SYN1: variants seen among roughly 807,000 people sequenced by gnomAD.
The protein encoded by SYN1 is synapsin I, also known as synapsin-1.
In SYN1, 8 loss-of-function variants were observed where a neutral mutation model predicts 44.6. That is an observed-to-expected ratio of 0.18 (90% CI 0.11 to 0.32). The LOEUF (loss-of-function observed/expected upper bound fraction) is 0.32, where lower values mean the gene tolerates loss of function less well. Among genes scored for constraint, SYN1 ranks in the 10% least tolerant of loss-of-function variants. The pLI, the probability that SYN1 is intolerant of heterozygous loss-of-function variation, is 1.00. For missense variants in SYN1, 451 were observed against 639.4 expected (o/e 0.71, Z 3.18); for synonymous variants, 275 against 280.1 (o/e 0.98, Z 0.18).
chrX:47,593,202 G>A (rs1029454491), intron 5 of SYN1, among the ~76,000 whole-genome samples: 1 of 107,711 alleles, frequency 9.3e-6, no homozygotes, highest in African/African-American at 3.4e-5. Flanking sequence ...CCTTAATGTG[G>A]TTTTGAATTT....
rs1344835504 is a variant in SYN1 at position 47,574,430 on chromosome X, G to A, written c.1554C>T (p.Pro518=). 1.9e-6 allele frequency: 2 copies of A among 1,034,428 alleles called. No homozygotes were observed. The highest frequency in any genetic ancestry group is 4.0e-5 in the African/African-American group (2 of 49,628). The allele number at this position is 1,034,428 out of a possible 1,213,427, so 85.2% of individuals were successfully genotyped here. The part of the protein sequence containing the change: ...LPSPTSAPQQ[P]ASQAAPPTQG... ...GGGTCGGCGGCGCGGCCTGGGACGC[G>A]GGCTGCTGGGGCGCTGAGGTGGGAC... Residue 518 remains proline (P), a synonymous_variant, in exon 12 of 13, where the codon CCC becomes CCT. Transcript: ENST00000295987.
At position 47,619,820 on chromosome X, in the gene SYN1, C is replaced by T. The variant is rs958525940; in HGVS notation, c.-92G>A. On this transcript the variant is annotated 5_prime_UTR_variant, in exon 1 of 13. Coordinates refer to ENST00000295987, the MANE Select transcript of SYN1 (RefSeq NM_006950.3). ...GTGCCCAGGAGCACAGCTGCGCTCT[C>T]AGGCACGACACGACTCCTCCGCTGC... The T allele has an allele frequency of 1.0e-6, 1 of 961,113 alleles. No homozygotes were observed. Among genetic ancestry groups the T allele is most frequent in the African/African-American group, 2.0e-5 (1 of 51,083 alleles). 79.2% of individuals were successfully genotyped at this position (961,113 alleles called of 1,213,427 possible). A position where few individuals can be genotyped will look rare whatever the true frequency, so the allele number is the denominator to read the frequency against.
intron 5 of SYN1, among the ~76,000 whole-genome samples, chrX:47,589,040 G>A (rs748580560): frequency 3.6e-5 from 4 of 111,374 alleles, no homozygotes; most frequent in Non-Finnish European, 7.5e-5. Context: ...GGTGGCTGAC[G>A]CCTGTAATAC....
At chrX:47,588,111 AAC>A (rs1177467099) in intron 5 of SYN1, among the ~76,000 whole-genome samples, 1 of 112,415 alleles carries the variant, frequency 8.9e-6, no homozygotes, top group Non-Finnish European at 1.9e-5. Flanking sequence ...GCAGATTTTG[AAC>A]ACACAGTACT....
At chrX:47,615,638 G>A (rs1373710666) in intron 1 of SYN1, among the ~76,000 whole-genome samples, 2 of 112,262 alleles carry the variant, frequency 1.8e-5, no homozygotes, top group Non-Finnish European at 3.8e-5. Context: ...CGGGCACGGT[G>A]GCTCAAGCCT....
intron 5 of SYN1, among the ~76,000 whole-genome samples, chrX:47,600,308 C>T (rs920361756): frequency 1.8e-5 from 2 of 110,772 alleles, no homozygotes; most frequent in Non-Finnish European, 3.8e-5. Context: ...CCTCCCACTT[C>T]AGCCTCCTGA....
chrX:47,614,939 T>TC (rs1435528256), intron 1 of SYN1, among the ~76,000 whole-genome samples: 1 of 110,933 alleles, frequency 9.0e-6, no homozygotes, highest in East Asian at 2.8e-4. Context: ...GCTCAACTTT[T>TC]CCCTCTGCAC....
chrX:47,582,233 G>C (rs926004266), intron 5 of SYN1: 3 of 125,830 alleles, frequency 2.4e-5, no homozygotes, highest in African/African-American at 6.4e-5. Context: ...TGGCTGGCCC[G>C]GGCGAGGCCC....
chrX:47,613,668 A>G lies in SYN1; in HGVS notation c.377+5684T>C, dbSNP rs139370702. Among the ~76,000 whole-genome samples the G allele has an allele frequency of 4.6e-3, 517 of 111,974 alleles. 4 individuals carry two copies. The highest frequency in any genetic ancestry group is 0.016 in the African/African-American group (501 of 30,799). The stretch of plus-strand genomic sequence containing the variant: ...CAAAGGACACACTTTATAGCAAAGT[A>G]AAGGAATGCAAAGCAAAGGAGGTGC... On this transcript the variant is annotated intron_variant, in intron 1 of 12. Transcript: ENST00000295987.
Position 47,577,505 on chromosome X carries a change from G to A in SYN1, c.775-4C>T, listed in dbSNP as rs1556857768. ...CGGGGTACGTTGTACTGCTGAGCTG[G>A]TGGGGAAAAGGCAGAGGAGACATGC... On this transcript the variant is annotated splice_polypyrimidine_tract_variant and splice_region_variant and intron_variant, in intron 5 of 12. Transcript: ENST00000295987. The A allele has an allele frequency of 8.3e-7, 1 of 1,201,054 alleles. No individual in the cohort carries two copies. Among genetic ancestry groups the A allele is most frequent in the Non-Finnish European group, 1.1e-6 (1 of 890,785 alleles).
chrX:47,580,033 G>GT (rs1212709222), intron 5 of SYN1, among the ~76,000 whole-genome samples: 1 of 109,826 alleles, frequency 9.1e-6, no homozygotes, highest in Non-Finnish European at 1.9e-5. Context: ...GCTCTACATG[G>GT]TATCGGGCAT....
chrX:47,618,643 C>A (rs1028624638), intron 1 of SYN1, among the ~76,000 whole-genome samples: 1 of 111,341 alleles, frequency 9.0e-6, no homozygotes, highest in African/African-American at 3.3e-5. Context: ...GGAGAAAAGG[C>A]CCTCAGAGAG....
chrX:47,604,835 C>T (rs2057891412), intron 5 of SYN1, 143 bp downstream of exon 5: 1 of 562,508 alleles, frequency 1.8e-6, no homozygotes, highest in Non-Finnish European at 3.0e-6. Flanking sequence ...ACGGTAGACC[C>T]TATCACAAAG....
intron 5 of SYN1, chrX:47,586,781 C>T (rs2057829253): frequency 9.4e-7 from 1 of 1,068,931 alleles, no homozygotes; most frequent in African/African-American, 1.8e-5. Flanking sequence ...AAAGAGTTAC[C>T]ACCCAGCAGA....
chrX:47,601,450 T>C (rs12007301), intron 5 of SYN1, among the ~76,000 whole-genome samples: 4,818 of 111,676 alleles, frequency 0.043, 259 homozygotes, highest in African/African-American at 0.15. Context: ...TGAATTCTAC[T>C]AAACATTTAA....
At chrX:47,598,516 GGTCCT>G (rs1364641135) in intron 5 of SYN1, among the ~76,000 whole-genome samples, 2 of 111,800 alleles carry the variant, frequency 1.8e-5, no homozygotes, top group Non-Finnish European at 3.8e-5. Context: ...AACATGGCAA[GGTCCT>G]GTCTCTACAA....
rs1050484562 is a variant in SYN1, at chrX:47,601,560, C to A, written c.774+3418G>T. Among the ~76,000 whole-genome samples, 16 of 110,940 alleles carry A rather than the reference C, an allele frequency of 1.4e-4. No individual in the cohort carries two copies. The Admixed American group carries it at 1.5e-3, about 11-fold the overall frequency. On this transcript the variant is annotated intron_variant, in intron 5 of 12. Coordinates refer to ENST00000295987, the MANE Select transcript of SYN1 (RefSeq NM_006950.3). ...TCGCTTGAGCCCAGGGGTTCAAGAC[C>A]AGCCTGAGCAACACAGCAAGACCCT...
rs189969999 is a variant in SYN1, at chrX:47,588,428, C to T, written c.775-10927G>A. Among the ~76,000 whole-genome samples, 205 of 112,873 alleles carry T rather than the reference C, an allele frequency of 1.8e-3. 2 individuals carry two copies. Among genetic ancestry groups the T allele is most frequent in the African/African-American group, 6.5e-3 (201 of 31,143 alleles). On this transcript the variant is annotated intron_variant, in intron 5 of 12. Coordinates refer to ENST00000295987, the MANE Select transcript of SYN1 (RefSeq NM_006950.3). ...CCCATTTCCTAAGTCCTCAGCTCTT[C>T]CAAGCCCTAGGGGGAAGGTGAAGTA...
At chrX:47,610,210 G>A (rs2057912890) in intron 1 of SYN1, among the ~76,000 whole-genome samples, 1 of 111,097 alleles carries the variant, frequency 9.0e-6, no homozygotes, top group Admixed American at 9.6e-5. Flanking sequence ...GGAGAAAGTT[G>A]ACTTCTCAGG....
Sources: gnomAD v4.1 joint callset for allele counts (sites outside exome capture counted in the v4.1 genomes callset) on GRCh38, gnomAD v4.1.1 for gene constraint, MANE v1.5 for transcripts, NCBI Gene and HGNC (gene_info 2026-07-23, HGNC 2026-07-21) for gene names.